Variants in SLC9A9 observed in about 807,000 individuals in gnomAD.
SLC9A9 encodes the protein solute carrier family 9 member A9, also known as sodium/hydrogen exchanger 9.
In SLC9A9, 62 loss-of-function variants were observed where a neutral mutation model predicts 77.8. The ratio of observed to expected loss-of-function variants is 0.80; its 90% CI spans 0.65 to 0.98. SLC9A9 has a LOEUF of 0.98. Ranked by LOEUF, SLC9A9 falls within the 50% of genes least tolerant of loss-of-function variation. The pLI is 0.00. For synonymous variants in SLC9A9, 320 were observed against 283.5 expected (o/e 1.13, Z -1.29); for missense variants, 775 against 774.9 (o/e 1.00, Z 0.00).
chr3:143,373,795 T>C (rs1461274685), intron 13 of SLC9A9, among the ~76,000 whole-genome samples: 1 of 151,864 alleles, frequency 6.6e-6, no homozygotes, highest in African/African-American at 2.4e-5. Flanking sequence ...AAGATTAAAA[T>C]AGACTAATAC....
chr3:143,685,269 G>A (rs950616134), intron 5 of SLC9A9, among the ~76,000 whole-genome samples: 15 of 151,866 alleles, frequency 9.9e-5, no homozygotes, highest in African/African-American at 3.6e-4. Context: ...ATGATGTCTT[G>A]GAAATCTAGG....
intron 13 of SLC9A9, 176 bp downstream of exon 13, chr3:143,381,884 A>G (rs1010390921): frequency 5.4e-6 from 4 of 739,694 alleles, no homozygotes; most frequent in Non-Finnish European, 9.4e-6. Context: ...TTCATATGCT[A>G]GAAGTTATCA....
intron 9 of SLC9A9, among the ~76,000 whole-genome samples, chr3:143,525,973 A>G (rs1451785269): frequency 1.3e-5 from 2 of 152,244 alleles, no homozygotes; most frequent in East Asian, 3.8e-4. Flanking sequence ...ATGTCAAAAT[A>G]TTAGCAGTTA....
At chr3:143,798,408 G>T (rs2008451355) in intron 2 of SLC9A9, among the ~76,000 whole-genome samples, 1 of 152,136 alleles carries the variant, frequency 6.6e-6, no homozygotes, top group Non-Finnish European at 1.5e-5. Flanking sequence ...TTGGTGGCAA[G>T]TCAATTGCGG....
intron 6 of SLC9A9, among the ~76,000 whole-genome samples, chr3:143,597,287 G>T (rs187941028): frequency 6.6e-6 from 1 of 152,144 alleles, no homozygotes; most frequent in Non-Finnish European, 1.5e-5. Flanking sequence ...TTAGCTCTTG[G>T]GGGGCTCGGC....
Position 143,467,061 on chromosome 3 carries a change from G to T in SLC9A9, c.1445C>A (p.Pro482His), listed in dbSNP as rs775638836. The T allele has an allele frequency of 6.2e-7, 1 of 1,613,890 alleles. No individual in the cohort carries two copies. The highest frequency in any genetic ancestry group is 1.1e-5 in the South Asian group (1 of 91,000). The change falls in exon 12 of 16, where the codon CCC (proline) becomes CAC (histidine). Residue 482 changes from proline to histidine, a missense_variant. Pro to His is a moderately conservative substitution (Grantham distance 77, BLOSUM62 -2). Transcript: ENST00000316549. Reference protein sequence around the residue: ...TVWVFGGGTTPMLTWLQIRVG... With the variant: ...TVWVFGGGTTHMLTWLQIRVG... ...CCTGATCTGAAGCCAAGTCAACATG[G>T]GGGTTGTTCCTCCTCCAAATACCCA...
At chr3:143,433,217 T>A (rs2108537901) in intron 12 of SLC9A9, among the ~76,000 whole-genome samples, 1 of 152,358 alleles carries the variant, frequency 6.6e-6, no homozygotes, top group South Asian at 2.1e-4. Flanking sequence ...AAGTTTTCTT[T>A]AGTTTCCTGA....
At chr3:143,664,648 A>G (rs2039033819) in intron 5 of SLC9A9, among the ~76,000 whole-genome samples, 1 of 152,218 alleles carries the variant, frequency 6.6e-6, no homozygotes, top group Non-Finnish European at 1.5e-5. Flanking sequence ...TACCAAGCAA[A>G]TGGAAAACAA....
At chr3:143,710,592 C>T (rs1029343664) in intron 4 of SLC9A9, among the ~76,000 whole-genome samples, 15 of 152,292 alleles carry the variant, frequency 9.8e-5, no homozygotes, top group African/African-American at 3.1e-4. Context: ...TGTTTTAAAA[C>T]TATAGAAACC....
At chr3:143,287,646 T>G (rs1485504387) in intron 14 of SLC9A9, among the ~76,000 whole-genome samples, 1 of 152,220 alleles carries the variant, frequency 6.6e-6, no homozygotes, top group African/African-American at 2.4e-5. Context: ...TAATTCCCAG[T>G]GCTGCTATTC....
chr3:143,645,244 C>T (rs1217237417), intron 6 of SLC9A9, among the ~76,000 whole-genome samples: 1 of 152,106 alleles, frequency 6.6e-6, no homozygotes, highest in African/African-American at 2.4e-5. Flanking sequence ...GAAAATTTGC[C>T]TTTAAGGAAC....
In SLC9A9 at chr3:143,488,935, A is replaced by G. The variant is rs557843348; in HGVS notation, c.1315+4718T>C. The stretch of plus-strand genomic sequence containing the variant: ...GAAATAAAGGTATTCAAACTGAAAA[A>G]GAAGTAAAATTATCTCTGTTTACAG... On this transcript the variant is annotated intron_variant, in intron 11 of 15. Transcript: ENST00000316549. Among the ~76,000 whole-genome samples the G allele has an allele frequency of 6.2e-4, 95 of 152,104 alleles. 2 individuals carry two copies. The South Asian group carries it at 0.019, about 31-fold the overall frequency.
chr3:143,824,708 G>A (rs1341497999), intron 2 of SLC9A9, among the ~76,000 whole-genome samples: 1 of 152,196 alleles, frequency 6.6e-6, no homozygotes, highest in African/African-American at 2.4e-5. Flanking sequence ...TTTTTTGAAT[G>A]ACTGAAGGAA....
intron 9 of SLC9A9, chr3:143,503,471 G>A: frequency 2.7e-6 from 1 of 373,058 alleles, no homozygotes; most frequent in Non-Finnish European, 5.3e-6. Flanking sequence ...CCCTTGAGGG[G>A]ACCCTCCAAA....
chr3:143,412,863 C>T (rs1252110490), intron 12 of SLC9A9, among the ~76,000 whole-genome samples: 1 of 152,078 alleles, frequency 6.6e-6, no homozygotes, highest in African/African-American at 2.4e-5. Context: ...TGAAATGTGC[C>T]CAGGCTTTGT....
chr3:143,601,335 A>C (rs1382222252), intron 6 of SLC9A9, among the ~76,000 whole-genome samples: 2 of 152,208 alleles, frequency 1.3e-5, no homozygotes, highest in Non-Finnish European at 2.9e-5. Context: ...CCCCAAATTT[A>C]AAATAATTCA....
intron 14 of SLC9A9, among the ~76,000 whole-genome samples, chr3:143,330,154 G>C (rs1235121035): frequency 2.0e-5 from 3 of 152,208 alleles, no homozygotes; most frequent in African/African-American, 4.8e-5. Context: ...CAATCGGCAG[G>C]AGCAGTGAAG....
chr3:143,299,381 C>T (rs2030419842), intron 14 of SLC9A9, among the ~76,000 whole-genome samples: 1 of 152,090 alleles, frequency 6.6e-6, no homozygotes, highest in Admixed American at 6.5e-5. Flanking sequence ...TGGACTGGTT[C>T]TCAAACTGGC....
At chr3:143,462,383 TA>T (rs1327111859) in intron 12 of SLC9A9, among the ~76,000 whole-genome samples, 8 of 152,068 alleles carry the variant, frequency 5.3e-5, no homozygotes, top group Admixed American at 4.6e-4. Context: ...AAAAAAAAAT[TA>T]ATAGTAGAAG....
Sources: gnomAD v4.1 joint callset for allele counts (sites outside exome capture counted in the v4.1 genomes callset) on GRCh38, gnomAD v4.1.1 for gene constraint, MANE v1.5 for transcripts, NCBI Gene and HGNC (gene_info 2026-07-23, HGNC 2026-07-21) for gene names.